Variants in GABPB2 observed in about 807,000 individuals in gnomAD.
GABPB2 encodes GA-binding protein subunit beta-2.
A neutral mutation model predicts 39.1 loss-of-function variants in GABPB2; 23 were observed. That is an observed-to-expected ratio of 0.59 (90% CI 0.42 to 0.83). The LOEUF is 0.83. Among genes scored for constraint, GABPB2 ranks in the 40% least tolerant of loss-of-function variants. The probability of loss-of-function intolerance (pLI) is 0.00; values close to 1 mark genes in which losing one functional copy is unlikely to be tolerated. For missense variants in GABPB2, 467 were observed against 541.1 expected (o/e 0.86, Z 1.36); for synonymous variants, 184 against 199.3 (o/e 0.92, Z 0.65).
chr1:151,090,618 C>T (rs190635850), intron 3 of GABPB2, 45 bp downstream of exon 3: 21 of 1,579,528 alleles, frequency 1.3e-5, no homozygotes, highest in Middle Eastern at 1.7e-4. Flanking sequence ...AAAAGGCATC[C>T]ACTTTCCTGT....
At chr1:151,100,840 G>T (rs1053321868) in intron 5 of GABPB2, among the ~76,000 whole-genome samples, 1 of 147,214 alleles carries the variant, frequency 6.8e-6, no homozygotes, top group African/African-American at 2.5e-5. Flanking sequence ...TGCCCACCTC[G>T]GCCTCCCAAA....
chr1:151,088,568 G>T lies in GABPB2; in HGVS notation c.108+271G>T, dbSNP rs587654844. On this transcript the variant is annotated intron_variant, in intron 2 of 8. Coordinates refer to ENST00000368918, the MANE Select transcript of GABPB2 (RefSeq NM_144618.3). ...AATGTTTTTTAGAGTATTTTCTAAA[G>T]GTTTAACTGTCTCTGGAGTGTACTT... The T allele has an allele frequency of 5.8e-5, 38 of 660,420 alleles. No individual in the cohort carries two copies. In the South Asian group the frequency reaches 6.3e-4, roughly 11 times the overall value. 40.9% of individuals were successfully genotyped at this position (660,420 alleles called of 1,614,324 possible). A position where few individuals can be genotyped will look rare whatever the true frequency, so the allele number is the denominator to read the frequency against.
At chr1:151,074,041 A>C (rs746985662) in intron 1 of GABPB2, among the ~76,000 whole-genome samples, 6 of 129,252 alleles carry the variant, frequency 4.6e-5, no homozygotes, top group Non-Finnish European at 6.2e-5. Context: ...CAGTGGCGCT[A>C]TCTCGGCTCG....
At chr1:151,091,053 GC>G (rs1678648244) in intron 3 of GABPB2, among the ~76,000 whole-genome samples, 1 of 151,926 alleles carries the variant, frequency 6.6e-6, no homozygotes, top group African/African-American at 2.4e-5. Context: ...AACCTTCATG[GC>G]TATGAGGAGT....
At chr1:151,101,514 C>A (rs1679522704) in intron 5 of GABPB2, among the ~76,000 whole-genome samples, 1 of 151,452 alleles carries the variant, frequency 6.6e-6, no homozygotes, top group South Asian at 2.1e-4. Flanking sequence ...GCAGAAGTTG[C>A]AGTGAGCTGA....
chr1:151,124,460 T>C lies in GABPB2; in HGVS notation c.*6204T>C, dbSNP rs1681304205. ...CCACGCCCAGCCTCTTTTTTTTTTT[T>C]TTTTTCTCACCAGTATGATGATGAC... On this transcript the variant is annotated 3_prime_UTR_variant, in exon 9 of 9. Transcript: ENST00000368918. The C allele has an allele frequency of 6.6e-6, 1 of 151,550 alleles. No individual in the cohort carries two copies. 9.4% of individuals were successfully genotyped at this position (151,550 alleles called of 1,614,324 possible). A position where few individuals can be genotyped will look rare whatever the true frequency, so the allele number is the denominator to read the frequency against.
chr1:151,116,231 A>C (rs1680850132), intron 7 of GABPB2, among the ~76,000 whole-genome samples: 1 of 151,868 alleles, frequency 6.6e-6, no homozygotes. Context: ...GTCTCTACTA[A>C]AAATACAGAA....
chr1:151,088,485 G>A (rs1187632252), intron 2 of GABPB2, 188 bp downstream of exon 2: 2 of 1,322,198 alleles, frequency 1.5e-6, no homozygotes, highest in East Asian at 2.7e-5. Context: ...CAAATTGAGA[G>A]TCTCCTGTGG....
At chr1:151,112,751 G>T in intron 7 of GABPB2, 1 of 186,066 alleles carries the variant, frequency 5.4e-6, no homozygotes, top group East Asian at 1.3e-4. Context: ...AGTGCAACGA[G>T]GTAAAAGGAA....
chr1:151,116,247 C>T (rs587720354), intron 7 of GABPB2, among the ~76,000 whole-genome samples: 10 of 151,358 alleles, frequency 6.6e-5, no homozygotes, highest in East Asian at 3.9e-4. Context: ...CAGAATTAGC[C>T]GGGTGTAGTG....
chr1:151,117,935 G>T (rs768472867), intron 8 of GABPB2, 22 bp from the exon 9 acceptor site: 22 of 1,598,668 alleles, frequency 1.4e-5, no homozygotes, highest in Non-Finnish European at 1.9e-5. Flanking sequence ...TTACCTGGTG[G>T]TGACATGGCT....
chr1:151,092,593 G>T (rs202006783), intron 3 of GABPB2, among the ~76,000 whole-genome samples: 97 of 142,414 alleles, frequency 6.8e-4, no homozygotes, highest in Non-Finnish European at 7.4e-4. Flanking sequence ...AATGGTTTTT[G>T]TTTTTTTTTT....
intron 1 of GABPB2, among the ~76,000 whole-genome samples, chr1:151,087,059 C>T (rs375812929): frequency 1.5e-3 from 235 of 151,886 alleles, no homozygotes; most frequent in South Asian, 5.6e-3. Context: ...TTCACTATGT[C>T]GGCCAGGCTG....
At chr1:151,076,618 C>T (rs950928517) in intron 1 of GABPB2, among the ~76,000 whole-genome samples, 6 of 151,312 alleles carry the variant, frequency 4.0e-5, no homozygotes, top group Non-Finnish European at 5.9e-5. Flanking sequence ...TTAGTAGAAA[C>T]GGGCTTTCAC....
At chr1:151,115,350 C>T (rs1387699768) in intron 7 of GABPB2, among the ~76,000 whole-genome samples, 1 of 151,632 alleles carries the variant, frequency 6.6e-6, no homozygotes, top group East Asian at 1.9e-4. Flanking sequence ...AAGAATGAAA[C>T]TCCGTCTCAA....
At chr1:151,093,063 G>T in intron 3 of GABPB2, 129 bp from the exon 4 acceptor site, 1 of 650,132 alleles carries the variant, frequency 1.5e-6, no homozygotes, top group Non-Finnish European at 2.4e-6. Context: ...TTTTCCCTTT[G>T]ATATTCCTTA....
chr1:151,118,133 G>A lies in GABPB2; in HGVS notation c.1224G>A (p.Val408=). 2 of 1,614,174 alleles carry A rather than the reference G, an allele frequency of 1.2e-6. No homozygotes were observed. Among genetic ancestry groups the A allele is most frequent in the Non-Finnish European group, 8.5e-7 (1 of 1,180,040 alleles). ...NGVDFTMVEE[V]AEVDAVVVTE... ...TTGATTTCACCATGGTTGAAGAGGT[G>A]GCTGAGGTAGATGCTGTAGTAGTCA... Residue 408 remains valine (V), a synonymous_variant, in exon 9 of 9, where the codon GTG becomes GTA. Transcript: ENST00000368918.
At chr1:151,092,272 A>AATTTTTAT (rs1678781451) in intron 3 of GABPB2, among the ~76,000 whole-genome samples, 1 of 151,204 alleles carries the variant, frequency 6.6e-6, no homozygotes, top group Non-Finnish European at 1.5e-5. Context: ...ACACCCAGCT[A>AATTTTTAT]ATTTTTATAT....
Position 151,101,329 on chromosome 1 carries a change from C to A in GABPB2, c.623-2233C>A, listed in dbSNP as rs587624936. ...CTGGCTCACGCCTATAATCCCAGCA[C>A]TTTGGGAGGCCGAGGTGGGCAGATC... is the stretch of plus-strand genomic sequence containing the variant. On this transcript the variant is annotated intron_variant, in intron 5 of 8. Coordinates refer to ENST00000368918, the MANE Select transcript of GABPB2 (RefSeq NM_144618.3). Among the ~76,000 whole-genome samples the A allele has an allele frequency of 6.8e-4, 103 of 152,116 alleles. No homozygotes were observed. In the Middle Eastern group the frequency reaches 0.01, roughly 15 times the overall value.
Sources: gnomAD v4.1 joint callset for allele counts (sites outside exome capture counted in the v4.1 genomes callset) on GRCh38, gnomAD v4.1.1 for gene constraint, MANE v1.5 for transcripts, NCBI Gene and HGNC (gene_info 2026-07-23, HGNC 2026-07-21) for gene names.